The following USP1 variants were observed in gnomAD, a reference collection of about 807,000 sequenced individuals.
USP1 encodes the protein ubiquitin carboxyl-terminal hydrolase 1.
In USP1, 18 loss-of-function variants were observed where a neutral mutation model predicts 72.2. The observed-to-expected ratio is 0.25, with a 90% CI of 0.17 to 0.37. The LOEUF (loss-of-function observed/expected upper bound fraction) is 0.37, where lower values mean the gene tolerates loss of function less well. USP1 is among the 10% of genes least tolerant of loss of function. USP1 has a pLI of 1.00. For synonymous variants in USP1, 354 were observed against 303.7 expected (o/e 1.17, Z -1.72); for missense variants, 759 against 884.9 (o/e 0.86, Z 1.81).
chr1:62,437,277 C>T lies in USP1; in HGVS notation c.-193C>T. ...CTCCCCCGCGGGGAGGGCGAGCCGA[C>T]CAGATTTTCCTGGGGCCGGGGACCC... is the stretch of plus-strand genomic sequence containing the variant. On this transcript the variant is annotated 5_prime_UTR_variant, in exon 1 of 9. Coordinates refer to ENST00000339950, the MANE Select transcript of USP1 (RefSeq NM_003368.5). 1 of 397,710 alleles carries T rather than the reference C, an allele frequency of 2.5e-6. No individual in the cohort carries two copies. Among genetic ancestry groups the T allele is most frequent in the East Asian group, 3.6e-5 (1 of 28,022 alleles). The allele number at this position is 397,710 out of a possible 1,614,324, so 24.6% of individuals were successfully genotyped here. A position where few individuals can be genotyped will look rare whatever the true frequency, so the allele number is the denominator to read the frequency against.
Position 62,450,387 on chromosome 1 carries a change from A to G in USP1, c.1764A>G (p.Thr588=), listed in dbSNP as rs1453806410. Reference sequence around the variant, plus strand: ...CGGTTGTGATGCATAGTGGCATTACAATTAGTAGTGGGCATTACACTGCTT... The same window carrying G: ...CGGTTGTGATGCATAGTGGCATTACGATTAGTAGTGGGCATTACACTGCTT... The part of the protein sequence containing the change: ...LFAVVMHSGI[T]ISSGHYTASV... Residue 588 remains threonine (T), a synonymous_variant, in exon 9 of 9, where the codon ACA becomes ACG. Coordinates refer to ENST00000339950, the MANE Select transcript of USP1 (RefSeq NM_003368.5). 1.9e-6 allele frequency: 3 copies of G among 1,614,022 alleles called. No individual in the cohort carries two copies. In the Admixed American group the frequency reaches 5.0e-5, roughly 27 times the overall value.
At chr1:62,441,467 T>C (rs1343803368) in intron 2 of USP1, 21 bp from the exon 3 acceptor site, 1 of 1,571,122 alleles carries the variant, frequency 6.4e-7, no homozygotes, top group East Asian at 2.3e-5. Context: ...TACTTATCGT[T>C]CTCCCTTCTA....
At position 62,450,554 on chromosome 1, in the gene USP1, T is replaced by C; in HGVS notation, c.1931T>C (p.Val644Ala). The change falls in exon 9 of 9, where the codon GTG becomes GCG. Residue 644 changes from valine to alanine, a missense_variant. Physicochemically the swap from Val to Ala is moderately conservative, Grantham distance 64. Transcript: ENST00000339950. ...GVVENYNDEE[V>A]SIRVGGNTQP... ...GTTGAGAATTATAATGATGAAGAAG[T>C]GTCAATTAGAGTTGGTGGAAATACA... 6.2e-7 allele frequency: 1 copy of C among 1,613,806 alleles called. No individual in the cohort carries two copies. Among genetic ancestry groups the C allele is most frequent in the Non-Finnish European group, 8.5e-7 (1 of 1,179,994 alleles).
chr1:62,444,982 A>C lies in USP1; in HGVS notation c.802A>C (p.Asn268His). The change falls in exon 6 of 9, where the codon AAT becomes CAT. Residue 268 changes from asparagine to histidine, a missense_variant. Physicochemically the swap from Asn to His is moderately conservative, Grantham distance 68. This residue lies in a region of USP1 where 245 missense variants were observed against 240.7 expected (regional missense o/e 1.02). Coordinates refer to ENST00000339950, the MANE Select transcript of USP1 (RefSeq NM_003368.5). ...EDFKEKLPKG[N>H]GKRKSDTEFG... ...CTTTAAAGAGAAACTCCCAAAAGGAAATGGGAAAAGAAAAAGTGACACTGA... is the reference window on the plus strand; with the variant it reads ...CTTTAAAGAGAAACTCCCAAAAGGACATGGGAAAAGAAAAAGTGACACTGA... The C allele has an allele frequency of 6.2e-7, 1 of 1,613,774 alleles. No homozygotes were observed. The highest frequency in any genetic ancestry group is 1.1e-5 in the South Asian group (1 of 91,050).
Position 62,451,004 on chromosome 1 carries a change from ATATAT to A in USP1, c.*26_*30del. On this transcript the variant is annotated 3_prime_UTR_variant, in exon 9 of 9. Coordinates refer to ENST00000339950, the MANE Select transcript of USP1 (RefSeq NM_003368.5). ...TAGAGTGAGTGTATTTTCCTTGTGT[ATATAT>A]TAAACACACCCATACAAACATTGGT... 6.5e-7 allele frequency: 1 copy of A among 1,542,816 alleles called. No individual in the cohort carries two copies. Among genetic ancestry groups the A allele is most frequent in the Non-Finnish European group, 8.7e-7 (1 of 1,153,028 alleles).
Position 62,445,010 on chromosome 1 carries a change from T to G in USP1, c.830T>G (p.Phe277Cys). ...GNGKRKSDTE[F>C]GNMKKKVKLS... ...GGGAAAAGAAAAAGTGACACTGAAT[T>G]TGGTAACATGAAGAAAAAAGTTAAA... Residue 277 changes from phenylalanine to cysteine, a missense_variant, in exon 6 of 9, where the codon TTT becomes TGT. By Grantham distance (205) the Phe-to-Cys change is radical (BLOSUM62 -2). Coordinates refer to ENST00000339950, the MANE Select transcript of USP1 (RefSeq NM_003368.5). 6.2e-7 allele frequency: 1 copy of G among 1,613,158 alleles called. No individual in the cohort carries two copies. The highest frequency in any genetic ancestry group is 1.1e-5 in the South Asian group (1 of 90,952).
At chr1:62,441,701 C>G in intron 3 of USP1, 93 bp downstream of exon 3, 2 of 1,381,262 alleles carry the variant, frequency 1.4e-6, no homozygotes, top group Non-Finnish European at 1.9e-6. Flanking sequence ...ACTTTAATGT[C>G]CATACTGTCT....
At position 62,450,523 on chromosome 1, in the gene USP1, G is replaced by A. The variant is rs765091162; in HGVS notation, c.1900G>A (p.Gly634Ser). The part of the protein sequence containing the change: ...PEPLNEEEAR[G>S]VVENYNDEEV... Reference sequence around the variant, plus strand: ...ACCATTGAATGAGGAGGAAGCAAGGGGTGTGGTTGAGAATTATAATGATGA... The same window carrying A: ...ACCATTGAATGAGGAGGAAGCAAGGAGTGTGGTTGAGAATTATAATGATGA... Residue 634 changes from glycine to serine, a missense_variant, in exon 9 of 9, where the codon GGT (glycine) becomes AGT (serine). Around this residue, in one of 9 missense-constraint regions of USP1, gnomAD observed 159 missense variants for 140.9 expected, o/e 1.13. Coordinates refer to ENST00000339950, the MANE Select transcript of USP1 (RefSeq NM_003368.5). 6.2e-7 allele frequency: 1 copy of A among 1,613,962 alleles called. No individual in the cohort carries two copies. The highest frequency in any genetic ancestry group is 8.5e-7 in the Non-Finnish European group (1 of 1,180,010).
intron 6 of USP1, 81 bp downstream of exon 6, chr1:62,445,510 C>T: frequency 1.6e-6 from 2 of 1,265,440 alleles, no homozygotes; most frequent in Admixed American, 3.2e-5. Flanking sequence ...GATACATGTA[C>T]AATATAATCT....
upstream of USP1, chr1:62,437,013 G>A (rs945605695): frequency 4.8e-5 from 19 of 397,918 alleles, no homozygotes; most frequent in Admixed American, 8.8e-5. Flanking sequence ...GCGCTGGCGC[G>A]GGCGGAGGCT....
chr1:62,440,052 T>C lies in USP1; in HGVS notation c.170+15T>C, dbSNP rs754080509. Reference sequence around the variant, plus strand: ...GCATCTGAAATGTATGTATCTTACATTTCTGTACTTTAAAAATTCTACAGT... The same window carrying C: ...GCATCTGAAATGTATGTATCTTACACTTCTGTACTTTAAAAATTCTACAGT... On this transcript the variant is annotated intron_variant, in intron 2 of 8. Transcript: ENST00000339950. 3 of 1,420,386 alleles carry C rather than the reference T, an allele frequency of 2.1e-6. No homozygotes were observed. Among genetic ancestry groups the C allele is most frequent in the Non-Finnish European group, 2.8e-6 (3 of 1,082,346 alleles). The allele number at this position is 1,420,386 out of a possible 1,614,324, so 88.0% of individuals were successfully genotyped here. A position where few individuals can be genotyped will look rare whatever the true frequency, so the allele number is the denominator to read the frequency against.
At position 62,437,148 on chromosome 1, in the gene USP1, C is replaced by A. The variant is rs1438065187; in HGVS notation, c.-322C>A. ...GCTGCTTGTTGCGCTCCTGGCTCTC[C>A]CGGGGCGGGCGCAGATGGGCGCCGC... On this transcript the variant is annotated 5_prime_UTR_variant, in exon 1 of 9. Transcript: ENST00000339950. The A allele has an allele frequency of 7.5e-6, 3 of 398,992 alleles. No homozygotes were observed. The highest frequency in any genetic ancestry group is 6.2e-5 in the African/African-American group (3 of 48,646). 24.7% of individuals were successfully genotyped at this position (398,992 alleles called of 1,614,324 possible). A position where few individuals can be genotyped will look rare whatever the true frequency, so the allele number is the denominator to read the frequency against.
chr1:62,439,931 A>C lies in USP1; in HGVS notation c.64A>C (p.Arg22=). 1.9e-6 allele frequency: 3 copies of C among 1,569,270 alleles called. No individual in the cohort carries two copies. Among genetic ancestry groups the C allele is most frequent in the Non-Finnish European group, 2.6e-6 (3 of 1,162,842 alleles). ...LSRGSPSKKN[R]LSLKFFQKKE... ...AAGAGGTAGCCCTTCAAAGAAAAAC[A>C]GACTTTCCTTAAAGTTTTTTCAGAA... The change falls in exon 2 of 9, where the codon AGA becomes CGA. Residue 22 remains arginine, a synonymous_variant. Coordinates refer to ENST00000339950, the MANE Select transcript of USP1 (RefSeq NM_003368.5).
Position 62,445,039 on chromosome 1 carries a change from T to C in USP1, c.859T>C (p.Ser287Pro), listed in dbSNP as rs776525311. 19 of 1,613,020 alleles carry C rather than the reference T, an allele frequency of 1.2e-5. No individual in the cohort carries two copies. The South Asian group carries it at 2.0e-4, about 17-fold the overall frequency. The stretch of plus-strand genomic sequence containing the variant: ...TAACATGAAGAAAAAAGTTAAATTA[T>C]CCAAGGAACACCAGTCATTGGAAGA... ...FGNMKKKVKL[S>P]KEHQSLEENQ... Residue 287 changes from serine to proline, a missense_variant, in exon 6 of 9, where the codon TCC becomes CCC. Physicochemically the swap from Ser to Pro is moderately conservative, Grantham distance 74. Transcript: ENST00000339950.
intron 6 of USP1, among the ~76,000 whole-genome samples, chr1:62,446,000 A>G (rs1357206862): frequency 2.0e-5 from 3 of 152,184 alleles, no homozygotes; most frequent in Non-Finnish European, 2.9e-5. Context: ...AAATAATAAT[A>G]AAGTAGGGAA....
intron 6 of USP1, 77 bp downstream of exon 6, chr1:62,445,506 T>C (rs1645165509): frequency 7.7e-7 from 1 of 1,293,692 alleles, no homozygotes; most frequent in Admixed American, 3.1e-5. Context: ...CCTAGATACA[T>C]GTACAATATA....
intron 7 of USP1, 28 bp downstream of exon 7, chr1:62,447,539 C>T (rs763749387): frequency 1.9e-6 from 3 of 1,588,340 alleles, no homozygotes; most frequent in South Asian, 2.3e-5. Context: ...CTTGTGTGGA[C>T]CATGATGGAA....
intron 7 of USP1, 135 bp downstream of exon 7, chr1:62,447,646 C>G: frequency 2.3e-6 from 2 of 876,442 alleles, no homozygotes; most frequent in Non-Finnish European, 3.4e-6. Context: ...AACCTTTCTG[C>G]TTATCTGGCT....
intron 1 of USP1, among the ~76,000 whole-genome samples, chr1:62,438,851 G>T (rs1645111265): frequency 6.6e-6 from 1 of 152,142 alleles, no homozygotes; most frequent in South Asian, 2.1e-4. Context: ...GAGTATTGTG[G>T]TTTCTAGTGC....
Sources: allele counts gnomAD v4.1 joint callset (sites outside exome capture counted in the v4.1 genomes callset), GRCh38; gene constraint gnomAD v4.1.1; regional missense constraint gnomAD v4.1.1; transcripts MANE v1.5; gene names NCBI Gene and HGNC (gene_info 2026-07-23, HGNC 2026-07-21).